EIF3H: variants seen among roughly 807,000 people sequenced by gnomAD.
EIF3H encodes eukaryotic translation initiation factor 3 subunit H.
Under a neutral mutation model 44.2 loss-of-function variants are expected in EIF3H, and 26 were observed. That is an observed-to-expected ratio of 0.59 (90% CI 0.43 to 0.82). The LOEUF (loss-of-function observed/expected upper bound fraction) is 0.82, where lower values mean the gene tolerates loss of function less well. Among genes scored for constraint, EIF3H ranks in the 40% least tolerant of loss-of-function variants. The probability of loss-of-function intolerance (pLI) is 0.00; values close to 1 mark genes in which losing one functional copy is unlikely to be tolerated. For missense variants in EIF3H, 359 were observed against 432.8 expected (o/e 0.83, Z 1.51); for synonymous variants, 166 against 151.9 (o/e 1.09, Z -0.68).
chr8:116,712,082 G>A (rs1230379076), intron 2 of EIF3H, among the ~76,000 whole-genome samples: 5 of 152,196 alleles, frequency 3.3e-5, no homozygotes, highest in Non-Finnish European at 7.3e-5. Context: ...GAGAACAACT[G>A]GAATTTGTAG....
intron 7 of EIF3H, among the ~76,000 whole-genome samples, chr8:116,645,312 A>T (rs982345355): frequency 3.3e-5 from 5 of 152,184 alleles, no homozygotes; most frequent in Non-Finnish European, 7.3e-5. Flanking sequence ...AATAAAGAAA[A>T]ACTACTCCTC....
At chr8:116,652,131 G>A (rs959478581) in intron 5 of EIF3H, among the ~76,000 whole-genome samples, 5 of 152,160 alleles carry the variant, frequency 3.3e-5, no homozygotes, top group Admixed American at 6.5e-5. Flanking sequence ...GTTCACTGTG[G>A]AGAATGAGAG....
intron 1 of EIF3H, among the ~76,000 whole-genome samples, chr8:116,727,939 G>A (rs1586480100): frequency 1.3e-5 from 2 of 152,282 alleles, no homozygotes; most frequent in Admixed American, 1.3e-4. Flanking sequence ...TGAGATCTAT[G>A]TAACAGCTTA....
At chr8:116,758,767 AC>A (rs1371570054), upstream of EIF3H, among the ~76,000 whole-genome samples, 1 of 152,230 alleles carries the variant, frequency 6.6e-6, no homozygotes, top group African/African-American at 2.4e-5. Flanking sequence ...ATATTAATCC[AC>A]AGATCAAAGA....
intron 1 of EIF3H, chr8:116,737,400 A>C (rs1228799686): frequency 2.6e-6 from 1 of 387,248 alleles, no homozygotes; most frequent in Non-Finnish European, 4.9e-6. Context: ...TTGTGCCTGT[A>C]ATCCCAGCAC....
intron 1 of EIF3H, among the ~76,000 whole-genome samples, chr8:116,732,768 C>T (rs570063431): frequency 6.6e-6 from 1 of 152,310 alleles, no homozygotes; most frequent in East Asian, 1.9e-4. Context: ...ATAGGTCTTA[C>T]TTTCATGGGG....
At chr8:116,734,486 G>T (rs763246365) in intron 1 of EIF3H, 20 of 414,702 alleles carry the variant, frequency 4.8e-5, no homozygotes, top group Non-Finnish European at 8.9e-5. Flanking sequence ...TAAGCACTAG[G>T]GTGGGAGTGA....
intron 2 of EIF3H, among the ~76,000 whole-genome samples, chr8:116,700,928 T>C (rs565626063): frequency 2.0e-5 from 3 of 152,238 alleles, no homozygotes; most frequent in Non-Finnish European, 2.9e-5. Context: ...ACTCAAAACA[T>C]TGAACTAGCT....
chr8:116,704,724 T>C (rs10112279), intron 2 of EIF3H, among the ~76,000 whole-genome samples: 135,472 of 152,272 alleles, frequency 0.89, 60,555 homozygotes, highest in African/African-American at 0.96. Flanking sequence ...TTACTGTTTC[T>C]TTTCCTATTA....
In EIF3H at chr8:116,645,028, G is replaced by A; in HGVS notation, c.1037C>T (p.Ala346Val). The A allele has an allele frequency of 6.2e-7, 1 of 1,614,002 alleles. No homozygotes were observed. The change falls in exon 8 of 8, where the codon GCT (alanine) becomes GTT (valine). Residue 346 changes from alanine to valine, a missense_variant. Coordinates refer to ENST00000521861, the MANE Select transcript of EIF3H (RefSeq NM_003756.3). The part of the protein sequence containing the change: ...QNLGKLFMAQ[A>V]LQEYNN Reference sequence around the variant, plus strand: ...TTCTTAGTTGTTGTATTCTTGAAGAGCCTGGGCCATGAAGAGCTTGCCTAA... The same window carrying A: ...TTCTTAGTTGTTGTATTCTTGAAGAACCTGGGCCATGAAGAGCTTGCCTAA...
At chr8:116,731,466 A>C (rs1814949435) in intron 1 of EIF3H, among the ~76,000 whole-genome samples, 1 of 152,150 alleles carries the variant, frequency 6.6e-6, no homozygotes, top group South Asian at 2.1e-4. Context: ...GTTTTGTTGT[A>C]ACTCCTCAGG....
intron 1 of EIF3H, among the ~76,000 whole-genome samples, chr8:116,752,692 G>GA (rs1261353861): frequency 8.2e-6 from 1 of 122,368 alleles, no homozygotes; most frequent in East Asian, 2.6e-4. Context: ...AAGAAAGAAA[G>GA]AAAGAAAGAA....
At chr8:116,729,601 A>C (rs2130933399) in intron 1 of EIF3H, among the ~76,000 whole-genome samples, 1 of 152,300 alleles carries the variant, frequency 6.6e-6, no homozygotes, top group African/African-American at 2.4e-5. Flanking sequence ...AGTTCTTTAC[A>C]ATGACCCAAG....
intron 1 of EIF3H, chr8:116,737,145 A>G (rs1172569779): frequency 5.8e-6 from 2 of 346,446 alleles, no homozygotes; most frequent in South Asian, 2.2e-5. Flanking sequence ...CCAATATTCT[A>G]TATCAAAAAG....
intron 2 of EIF3H, among the ~76,000 whole-genome samples, chr8:116,700,106 G>A (rs146834822): frequency 3.7e-4 from 56 of 152,242 alleles, no homozygotes; most frequent in Non-Finnish European, 6.9e-4. Flanking sequence ...GTGCCCGGCC[G>A]TAGGTTTTTT....
At chr8:116,755,869 A>C, upstream of EIF3H, 1 of 1,591,750 alleles carries the variant, frequency 6.3e-7, no homozygotes, top group Non-Finnish European at 8.5e-7. Flanking sequence ...GCGTGACGTC[A>C]CTCGCAGGCC....
intron 2 of EIF3H, among the ~76,000 whole-genome samples, chr8:116,709,812 A>T (rs1330982861): frequency 2.0e-5 from 3 of 152,242 alleles, no homozygotes; most frequent in Non-Finnish European, 4.4e-5. Flanking sequence ...GCAAAAAATT[A>T]AATCAAAAAA....
chr8:116,731,701 C>T (rs140834363), intron 1 of EIF3H, among the ~76,000 whole-genome samples: 2 of 152,308 alleles, frequency 1.3e-5, no homozygotes, highest in African/African-American at 4.8e-5. Flanking sequence ...CATCTTGAAA[C>T]ATTCATGTTT....
chr8:116,693,753 G>A (rs1027660141), intron 2 of EIF3H, among the ~76,000 whole-genome samples: 14 of 152,060 alleles, frequency 9.2e-5, no homozygotes, highest in Admixed American at 3.3e-4. Flanking sequence ...CATGGTCATA[G>A]CTCACTGCAG....
Sources: allele counts gnomAD v4.1 joint callset (sites outside exome capture counted in the v4.1 genomes callset), GRCh38; gene constraint gnomAD v4.1.1; transcripts MANE v1.5; gene names NCBI Gene and HGNC (gene_info 2026-07-23, HGNC 2026-07-21).